Variants in SGCD observed in about 807,000 individuals in gnomAD.
SGCD encodes delta-sarcoglycan.
Under a neutral mutation model 36.6 loss-of-function variants are expected in SGCD, and 18 were observed. The observed-to-expected ratio is 0.49, with a 90% CI of 0.34 to 0.73. SGCD has a LOEUF of 0.73. Among genes scored for constraint, SGCD ranks in the 30% least tolerant of loss-of-function variants. The pLI is 0.01. For missense variants in SGCD, 387 were observed against 346.7 expected, an observed-to-expected ratio of 1.12 and a Z score of -0.92; for synonymous variants, 133 against 130.6, an observed-to-expected ratio of 1.02 and a Z score of -0.12.
chr5:156,054,967 A>G (rs1047575219), intron 1 of SGCD, among the ~76,000 whole-genome samples: 3 of 144,840 alleles, frequency 2.1e-5, no homozygotes, highest in Admixed American at 6.9e-5. Context: ...TCACTCATTC[A>G]GTTTATAGGT....
intron 1 of SGCD, among the ~76,000 whole-genome samples, chr5:156,016,539 A>G (rs1365893876): frequency 6.6e-6 from 1 of 152,018 alleles, no homozygotes; most frequent in Non-Finnish European, 1.5e-5. Flanking sequence ...ATAGATAACA[A>G]ATTTTGTTGG....
intron 4 of SGCD, among the ~76,000 whole-genome samples, chr5:156,580,051 C>G (rs1465259519): frequency 6.6e-6 from 1 of 152,128 alleles, no homozygotes. Flanking sequence ...GTGGCTGGTA[C>G]AGGTTGTTCC....
At chr5:156,129,339 T>C (rs935291275) in intron 3 of SGCD, among the ~76,000 whole-genome samples, 1 of 152,168 alleles carries the variant, frequency 6.6e-6, no homozygotes, top group Non-Finnish European at 1.5e-5. Context: ...TAGAAACTGA[T>C]ACTGAGAAAA....
At chr5:156,190,678 C>A (rs777683474) in intron 3 of SGCD, among the ~76,000 whole-genome samples, 1 of 151,976 alleles carries the variant, frequency 6.6e-6, no homozygotes, top group Non-Finnish European at 1.5e-5. Context: ...ATCGTAATTA[C>A]TAAGTAAGTT....
At chr5:156,606,495 G>C (rs1731497868) in intron 6 of SGCD, among the ~76,000 whole-genome samples, 1 of 152,136 alleles carries the variant, frequency 6.6e-6, no homozygotes. Context: ...CTCCAGCTTT[G>C]TTCTTTTAGC....
chr5:156,538,349 T>C (rs780693780), intron 4 of SGCD, among the ~76,000 whole-genome samples: 1 of 152,150 alleles, frequency 6.6e-6, no homozygotes, highest in Non-Finnish European at 1.5e-5. Context: ...TACCTTTCTT[T>C]GTTGACTCTG....
chr5:155,970,145 G>A (rs1192539796), intron 1 of SGCD, among the ~76,000 whole-genome samples: 1 of 151,968 alleles, frequency 6.6e-6, no homozygotes, highest in Non-Finnish European at 1.5e-5. Context: ...GGGTGTGAGA[G>A]ATCCCCTTTA....
chr5:156,368,105 T>C (rs1770199320), intron 3 of SGCD, among the ~76,000 whole-genome samples: 1 of 152,114 alleles, frequency 6.6e-6, no homozygotes, highest in Admixed American at 6.5e-5. Context: ...TTTTTCTTTT[T>C]TTCGAGACGA....
At chr5:156,422,515 A>C (rs1773361027) in intron 3 of SGCD, among the ~76,000 whole-genome samples, 1 of 152,068 alleles carries the variant, frequency 6.6e-6, no homozygotes, top group African/African-American at 2.4e-5. Flanking sequence ...GAAATGCAGA[A>C]GGATTCACTG....
chr5:156,154,962 A>G (rs562460184), intron 3 of SGCD, among the ~76,000 whole-genome samples: 20 of 151,804 alleles, frequency 1.3e-4, no homozygotes, highest in Non-Finnish European at 2.4e-4. Flanking sequence ...GACAAACTCA[A>G]TGTCTGCAGG....
At chr5:156,350,854 G>T (rs1177076358) in intron 3 of SGCD, among the ~76,000 whole-genome samples, 1 of 152,006 alleles carries the variant, frequency 6.6e-6, no homozygotes, top group Non-Finnish European at 1.5e-5. Flanking sequence ...ATTTAATATT[G>T]TTATTCCCAC....
intron 1 of SGCD, among the ~76,000 whole-genome samples, chr5:156,093,254 C>G (rs1178139560): frequency 6.6e-6 from 1 of 152,166 alleles, no homozygotes; most frequent in African/African-American, 2.4e-5. Context: ...GCTTTCCTGC[C>G]CATACCACAT....
chr5:156,373,190 T>G (rs1452010391), intron 3 of SGCD, among the ~76,000 whole-genome samples: 1 of 152,226 alleles, frequency 6.6e-6, no homozygotes, highest in African/African-American at 2.4e-5. Context: ...CAGAAGAGTG[T>G]AATTTTCTCT....
chr5:156,392,422 A>G (rs13178435), intron 3 of SGCD, among the ~76,000 whole-genome samples: 1 of 152,190 alleles, frequency 6.6e-6, no homozygotes, highest in African/African-American at 2.4e-5. Flanking sequence ...TTCAGTGTGC[A>G]CTATTCAAAC....
chr5:156,529,636 C>T (rs1455318156), intron 4 of SGCD, among the ~76,000 whole-genome samples: 43 of 152,076 alleles, frequency 2.8e-4, no homozygotes, highest in Admixed American at 2.8e-3. Flanking sequence ...TATGTTACGC[C>T]GTTAGTCTTA....
chr5:156,225,503 A>G (rs1764828431), intron 3 of SGCD, among the ~76,000 whole-genome samples: 1 of 152,124 alleles, frequency 6.6e-6, no homozygotes, highest in South Asian at 2.1e-4. Flanking sequence ...TTAAAGTGAA[A>G]GAATACACAG....
the SGCD span, among the ~76,000 whole-genome samples, chr5:155,754,062 G>A: frequency 3.3e-5 from 5 of 152,102 alleles, no homozygotes; most frequent in African/African-American, 4.8e-5. Flanking sequence ...TGTGTATGGG[G>A]AGTACCAGGA....
intron 7 of SGCD, among the ~76,000 whole-genome samples, chr5:156,741,016 G>A (rs954747311): frequency 2.6e-5 from 4 of 152,244 alleles, no homozygotes; most frequent in Non-Finnish European, 5.9e-5. Flanking sequence ...AATCCTAGGT[G>A]TTGGTGTGAA....
chr5:155,760,267 GCATCACCCTCTCCATCACCCTATTCAT>G, the SGCD span, among the ~76,000 whole-genome samples: 1 of 79,812 alleles, frequency 1.3e-5, no homozygotes, highest in East Asian at 4.3e-4. Context: ...ATCATCCTCA[GCATCACCCTCTCCATCACCCTATTCAT>G]CATCCTCTCC....
Sources: gnomAD v4.1 joint callset for allele counts (sites outside exome capture counted in the v4.1 genomes callset) on GRCh38, gnomAD v4.1.1 for gene constraint, MANE v1.5 for transcripts, NCBI Gene and HGNC (gene_info 2026-07-23, HGNC 2026-07-21) for gene names.